NEGR1: variants seen among roughly 807,000 people sequenced by gnomAD.
The protein encoded by NEGR1 is IgLON family member 4.
A neutral mutation model predicts 40.9 loss-of-function variants in NEGR1; 10 were observed. The ratio of observed to expected loss-of-function variants is 0.24; its 90% CI spans 0.15 to 0.42. The LOEUF is 0.42. Among genes scored for constraint, NEGR1 ranks in the 10% least tolerant of loss-of-function variants. The pLI is 1.00. For missense variants in NEGR1, 352 were observed against 438.9 expected (o/e 0.80, Z 1.77); for synonymous variants, 185 against 166.8 (o/e 1.11, Z -0.84).
At position 71,471,511 on chromosome 1, in the gene NEGR1, T is replaced by A. The variant is rs555916346; in HGVS notation, c.941-63941A>T. ...AAATACAAAAATCAGCCAGGTGTGG[T>A]AACACCTGCCTGTAGTCCCAGTTAC... is the stretch of plus-strand genomic sequence containing the variant. On this transcript the variant is annotated intron_variant, in intron 6 of 6. Coordinates refer to ENST00000357731, the MANE Select transcript of NEGR1 (RefSeq NM_173808.3). Among the ~76,000 whole-genome samples the A allele has an allele frequency of 3.9e-5, 6 of 152,024 alleles. No individual in the cohort carries two copies. The East Asian group carries it at 1.2e-3, about 30-fold the overall frequency.
chr1:71,790,231 C>T (rs1394704727), intron 2 of NEGR1, among the ~76,000 whole-genome samples: 1 of 152,096 alleles, frequency 6.6e-6, no homozygotes, highest in Non-Finnish European at 1.5e-5. Context: ...GCCACTACAA[C>T]TTGTATTGGT....
At chr1:71,466,179 G>A (rs1646744564) in intron 6 of NEGR1, among the ~76,000 whole-genome samples, 1 of 152,040 alleles carries the variant, frequency 6.6e-6, no homozygotes, top group African/African-American at 2.4e-5. Flanking sequence ...AGAGTTTATG[G>A]TGCCTGGCAC....
intron 4 of NEGR1, among the ~76,000 whole-genome samples, chr1:71,663,558 C>T (rs980490023): frequency 1.3e-5 from 2 of 152,134 alleles, no homozygotes; most frequent in African/African-American, 4.8e-5. Context: ...CTACTGGAAT[C>T]CCATTGAATT....
chr1:71,888,299 G>T (rs1465916513), intron 2 of NEGR1, among the ~76,000 whole-genome samples: 1 of 152,056 alleles, frequency 6.6e-6, no homozygotes. Flanking sequence ...ATTTCCATCT[G>T]AGGTACCGGG....
At chr1:71,678,554 G>C (rs1466930032) in intron 4 of NEGR1, among the ~76,000 whole-genome samples, 4 of 152,034 alleles carry the variant, frequency 2.6e-5, no homozygotes, top group Admixed American at 2.6e-4. Context: ...GGTCCACCCA[G>C]AGCAAGTCTA....
chr1:71,857,242 G>T (rs2101818992), intron 2 of NEGR1, among the ~76,000 whole-genome samples: 2 of 151,838 alleles, frequency 1.3e-5, no homozygotes, highest in East Asian at 3.9e-4. Context: ...GAACTCAAAA[G>T]AACTACCCTG....
At chr1:71,847,848 G>A (rs1220779208) in intron 2 of NEGR1, among the ~76,000 whole-genome samples, 3 of 152,290 alleles carry the variant, frequency 2.0e-5, no homozygotes, top group Non-Finnish European at 2.9e-5. Flanking sequence ...GGTTAGCGAG[G>A]AAGACATGTG....
At chr1:72,155,595 C>T (rs1283594410) in intron 1 of NEGR1, among the ~76,000 whole-genome samples, 1 of 151,894 alleles carries the variant, frequency 6.6e-6, no homozygotes, top group African/African-American at 2.4e-5. Flanking sequence ...CTTCATTGTC[C>T]TATGATATAA....
chr1:71,801,227 T>G (rs1657544530), intron 2 of NEGR1, among the ~76,000 whole-genome samples: 1 of 152,276 alleles, frequency 6.6e-6, no homozygotes, highest in Admixed American at 6.5e-5. Context: ...GCTCTGATGG[T>G]TTTTTCCTCC....
intron 6 of NEGR1, among the ~76,000 whole-genome samples, chr1:71,505,668 T>C (rs963612533): frequency 1.3e-5 from 2 of 152,226 alleles, no homozygotes; most frequent in African/African-American, 4.8e-5. Flanking sequence ...CAGTCCCTTC[T>C]ACTTTAGGAC....
intron 1 of NEGR1, among the ~76,000 whole-genome samples, chr1:72,163,118 T>C (rs1207882947): frequency 1.3e-5 from 2 of 152,176 alleles, no homozygotes; most frequent in African/African-American, 4.8e-5. Flanking sequence ...ATAAAGATCT[T>C]GTGAGATTCA....
intron 1 of NEGR1, among the ~76,000 whole-genome samples, chr1:72,092,496 G>C (rs532868840): frequency 6.6e-6 from 1 of 152,040 alleles, no homozygotes; most frequent in South Asian, 2.1e-4. Flanking sequence ...ATGTTGCCCT[G>C]TGATTTTCAC....
At chr1:71,975,424 G>C (rs1223946398) in intron 1 of NEGR1, among the ~76,000 whole-genome samples, 1 of 152,160 alleles carries the variant, frequency 6.6e-6, no homozygotes, top group African/African-American at 2.4e-5. Context: ...AGATTAGGAA[G>C]GACATGATAG....
At chr1:72,155,702 G>A (rs1406867952) in intron 1 of NEGR1, among the ~76,000 whole-genome samples, 1 of 151,930 alleles carries the variant, frequency 6.6e-6, no homozygotes, top group East Asian at 1.9e-4. Context: ...ATGATATATT[G>A]AATTTCAGAG....
chr1:72,137,251 T>C (rs1650502136), intron 1 of NEGR1, among the ~76,000 whole-genome samples: 1 of 152,278 alleles, frequency 6.6e-6, no homozygotes, highest in Middle Eastern at 3.4e-3. Context: ...ACTGGGTATA[T>C]ACCCAAAGGA....
intron 4 of NEGR1, among the ~76,000 whole-genome samples, chr1:71,681,808 C>A (rs532000557): frequency 6.6e-6 from 1 of 152,248 alleles, no homozygotes; most frequent in South Asian, 2.1e-4. Flanking sequence ...AATTCTGTCT[C>A]TTGGTTTCTC....
chr1:71,760,539 C>T (rs1224619250), intron 3 of NEGR1, among the ~76,000 whole-genome samples: 1 of 152,110 alleles, frequency 6.6e-6, no homozygotes, highest in Admixed American at 6.5e-5. Flanking sequence ...TATGTAGATT[C>T]ATTCATTATA....
chr1:71,777,783 A>G (rs530725211), intron 2 of NEGR1, among the ~76,000 whole-genome samples: 2 of 152,178 alleles, frequency 1.3e-5, no homozygotes, highest in South Asian at 2.1e-4. Context: ...TTACAAATAT[A>G]AAGTATTTGA....
chr1:71,903,848 G>T (rs1253182453), intron 2 of NEGR1, among the ~76,000 whole-genome samples: 1 of 151,420 alleles, frequency 6.6e-6, no homozygotes, highest in African/African-American at 2.4e-5. Flanking sequence ...AAAAAATGAT[G>T]TATTTTTCTA....
Sources: gnomAD v4.1 joint callset for allele counts (sites outside exome capture counted in the v4.1 genomes callset) on GRCh38, gnomAD v4.1.1 for gene constraint, MANE v1.5 for transcripts, NCBI Gene and HGNC (gene_info 2026-07-23, HGNC 2026-07-21) for gene names.